Variants in ADGRD1 observed in about 807,000 individuals in gnomAD.
The protein encoded by ADGRD1 is adhesion G protein-coupled receptor D1, also known as G-protein coupled receptor 133.
ADGRD1 carries 77 observed loss-of-function variants against 113.4 expected under a neutral mutation model. The ratio of observed to expected loss-of-function variants is 0.68; its 90% CI spans 0.57 to 0.82. The LOEUF (loss-of-function observed/expected upper bound fraction) is 0.82, where lower values mean the gene tolerates loss of function less well. Among genes scored for constraint, ADGRD1 ranks in the 40% least tolerant of loss-of-function variants. ADGRD1 has a pLI of 0.00. For synonymous variants in ADGRD1, 474 were observed against 475.0 expected (o/e 1.00, Z 0.03); for missense variants, 1,036 against 1,139.1 (o/e 0.91, Z 1.30).
At chr12:131,008,654 G>A (rs1877488337) in intron 12 of ADGRD1, among the ~76,000 whole-genome samples, 1 of 152,220 alleles carries the variant, frequency 6.6e-6, no homozygotes, top group Non-Finnish European at 1.5e-5. Context: ...GTACCCCTAG[G>A]ATCCTTTGAG....
chr12:131,014,213 T>C lies in ADGRD1; in HGVS notation c.1346T>C (p.Met449Thr). The C allele has an allele frequency of 6.2e-7, 1 of 1,614,100 alleles. No homozygotes were observed. Among genetic ancestry groups the C allele is most frequent in the Non-Finnish European group, 8.5e-7 (1 of 1,179,982 alleles). The change falls in exon 13 of 25, where the codon ATG (methionine) becomes ACG (threonine). Residue 449 changes from methionine to threonine, a missense_variant. Physicochemically the swap from Met to Thr is moderately conservative, Grantham distance 81. Coordinates refer to ENST00000261654, the MANE Select transcript of ADGRD1 (RefSeq NM_198827.5). ...CTCTTCCCAAGGATCGCGGAGGCCA[T>C]GCATCACCAGGACTGCCTGCTGTTC... Reference protein sequence around the residue: ...WPAHTKIAEAMHHQDCLLFAT... With the variant: ...WPAHTKIAEATHHQDCLLFAT...
Position 130,972,183 on chromosome 12 carries a change from C to T in ADGRD1, c.310+603C>T, listed in dbSNP as rs570995119. ...CCGTGTGAAGTGTAACCTGCTCTCT[C>T]GTATCTAGGCTTCAGGCAATGCACG... On this transcript the variant is annotated intron_variant, in intron 4 of 24. Transcript: ENST00000261654. Among the ~76,000 whole-genome samples the T allele has an allele frequency of 9.8e-5, 15 of 152,296 alleles. No individual in the cohort carries two copies. The South Asian group carries it at 1.5e-3, about 15-fold the overall frequency.
At chr12:131,091,746 G>T (rs1019705453) in intron 15 of ADGRD1, among the ~76,000 whole-genome samples, 1 of 152,222 alleles carries the variant, frequency 6.6e-6, no homozygotes, top group African/African-American at 2.4e-5. Flanking sequence ...GGCAGGAGCT[G>T]GGGAGAGAAA....
chr12:131,028,394 T>G (rs1023957851), intron 13 of ADGRD1, among the ~76,000 whole-genome samples: 5 of 152,134 alleles, frequency 3.3e-5, no homozygotes, highest in Admixed American at 2.6e-4. Flanking sequence ...TTACACGGGG[T>G]CTTCCCTTTT....
intron 13 of ADGRD1, among the ~76,000 whole-genome samples, chr12:131,073,707 C>T (rs1348670663): frequency 3.3e-5 from 5 of 151,876 alleles, no homozygotes; most frequent in Non-Finnish European, 5.9e-5. Context: ...CTCGGGCAGC[C>T]GTGTCTGGTG....
chr12:131,054,888 A>C (rs1342487178), intron 13 of ADGRD1, among the ~76,000 whole-genome samples: 3 of 152,138 alleles, frequency 2.0e-5, no homozygotes, highest in Non-Finnish European at 4.4e-5. Context: ...TGCCTGATGG[A>C]TGTCCAGTGC....
At chr12:131,076,963 C>T (rs1362015959) in intron 14 of ADGRD1, 89 bp downstream of exon 14, 3 of 1,036,362 alleles carry the variant, frequency 2.9e-6, no homozygotes, top group African/African-American at 3.1e-5. Context: ...TCTGGGTCAC[C>T]CATTTCTGCA....
At chr12:131,092,525 C>A (rs143571820) in intron 15 of ADGRD1, among the ~76,000 whole-genome samples, 241 of 152,274 alleles carry the variant, frequency 1.6e-3, no homozygotes, top group Non-Finnish European at 2.9e-3. Flanking sequence ...CCAGGGCCCG[C>A]CACGGTGCGC....
chr12:131,063,270 CAA>C (rs2137096731), intron 13 of ADGRD1, among the ~76,000 whole-genome samples: 1 of 152,244 alleles, frequency 6.6e-6, no homozygotes, highest in East Asian at 1.9e-4. Context: ...ATCCTTTTAA[CAA>C]GAGTTTTTCA....
intron 15 of ADGRD1, among the ~76,000 whole-genome samples, chr12:131,092,885 T>TTC (rs1385323344): frequency 1.3e-5 from 2 of 150,496 alleles, no homozygotes; most frequent in African/African-American, 4.9e-5. Context: ...GGGATTTCTT[T>TTC]TTTTTTTTTT....
At chr12:131,004,384 G>T in intron 11 of ADGRD1, 88 bp downstream of exon 11, 1 of 779,170 alleles carries the variant, frequency 1.3e-6, no homozygotes, top group Non-Finnish European at 2.0e-6. Context: ...TGCCCACCGC[G>T]CCAGGGAGCT....
chr12:131,062,444 A>G (rs944875108), intron 13 of ADGRD1, among the ~76,000 whole-genome samples: 1 of 152,212 alleles, frequency 6.6e-6, no homozygotes, highest in Non-Finnish European at 1.5e-5. Context: ...GCCCAGGAGT[A>G]CTATTACAGG....
chr12:131,072,415 C>T (rs994678180), intron 13 of ADGRD1, among the ~76,000 whole-genome samples: 1 of 152,146 alleles, frequency 6.6e-6, no homozygotes, highest in Non-Finnish European at 1.5e-5. Context: ...TCTCTCTGAC[C>T]CTGGTGCGTC....
intron 15 of ADGRD1, among the ~76,000 whole-genome samples, chr12:131,102,167 G>T (rs1235142562): frequency 6.6e-6 from 1 of 152,204 alleles, no homozygotes; most frequent in African/African-American, 2.4e-5. Context: ...TGGACAATTT[G>T]CTAATAATGT....
chr12:130,972,034 G>A (rs1222466424), intron 4 of ADGRD1, among the ~76,000 whole-genome samples: 1 of 152,212 alleles, frequency 6.6e-6, no homozygotes, highest in Non-Finnish European at 1.5e-5. Context: ...TTCATCGAGA[G>A]GGGCTGGGCA....
chr12:131,013,778 A>C (rs1878219389), intron 12 of ADGRD1, among the ~76,000 whole-genome samples: 1 of 152,198 alleles, frequency 6.6e-6, no homozygotes, highest in Non-Finnish European at 1.5e-5. Context: ...AGACAGGGTG[A>C]GTTACCTGCC....
chr12:131,068,044 C>A (rs1485426034), intron 13 of ADGRD1, among the ~76,000 whole-genome samples: 3 of 152,086 alleles, frequency 2.0e-5, no homozygotes, highest in East Asian at 3.9e-4. Context: ...TCGCTGTGCC[C>A]CTGATCCTTC....
At chr12:131,108,958 T>G in intron 18 of ADGRD1, 81 bp downstream of exon 18, 4 of 418,940 alleles carry the variant, frequency 9.5e-6, no homozygotes, top group Non-Finnish European at 1.1e-5. Context: ...TAGGACAGGA[T>G]GAGACAGGTG....
At position 131,099,868 on chromosome 12, in the gene ADGRD1, C is replaced by T. The variant is rs368774255; in HGVS notation, c.1672-4963C>T. Among the ~76,000 whole-genome samples the T allele has an allele frequency of 1.6e-3, 237 of 152,262 alleles. 3 individuals carry two copies. Among genetic ancestry groups the T allele is most frequent in the African/African-American group, 5.6e-3 (233 of 41,524 alleles). On this transcript the variant is annotated intron_variant, in intron 15 of 24. Transcript: ENST00000261654. ...ATATGTCTTTCTTTTTAGTACTCCC[C>T]ATTGTGCCTGGCATGATGCTGGCTT...
Sources: gnomAD v4.1 joint callset for allele counts (sites outside exome capture counted in the v4.1 genomes callset) on GRCh38, gnomAD v4.1.1 for gene constraint, MANE v1.5 for transcripts, NCBI Gene and HGNC (gene_info 2026-07-23, HGNC 2026-07-21) for gene names.